The following TNKS variants were observed in gnomAD, a reference collection of about 807,000 sequenced individuals.
The protein encoded by TNKS is tankyrase, also known as poly [ADP-ribose] polymerase tankyrase-1.
A neutral mutation model predicts 135.8 loss-of-function variants in TNKS; 72 were observed. That is an observed-to-expected ratio of 0.53 (90% CI 0.44 to 0.64). The LOEUF is 0.64. Ranked by LOEUF, TNKS falls within the 30% of genes least tolerant of loss-of-function variation. The probability of loss-of-function intolerance (pLI) is 0.00; values close to 1 mark genes in which losing one functional copy is unlikely to be tolerated. For synonymous variants in TNKS, 849 were observed against 649.3 expected (o/e 1.31, Z -4.68); for missense variants, 1,769 against 1,674.0 (o/e 1.06, Z -0.99).
At chr8:9,608,833 C>T (rs189884632) in intron 2 of TNKS, among the ~76,000 whole-genome samples, 1 of 152,254 alleles carries the variant, frequency 6.6e-6, no homozygotes, top group East Asian at 1.9e-4. Flanking sequence ...TTATGGTACC[C>T]ATCTTGTGAG....
At chr8:9,771,420 A>C in intron 26 of TNKS, among the ~76,000 whole-genome samples, 1 of 92,606 alleles carries the variant, frequency 1.1e-5, no homozygotes, top group East Asian at 3.8e-4. Flanking sequence ...GACAGATACT[A>C]AGGAAGGGAG....
At chr8:9,696,624 A>G (rs1181420558) in intron 5 of TNKS, among the ~76,000 whole-genome samples, 2 of 152,182 alleles carry the variant, frequency 1.3e-5, no homozygotes, top group African/African-American at 4.8e-5. Flanking sequence ...AAATCCATGT[A>G]CAAAAATCAG....
Position 9,698,297 on chromosome 8 carries a change from C to G in TNKS, c.1108-6366C>G, listed in dbSNP as rs575059717. Among the ~76,000 whole-genome samples the G allele has an allele frequency of 1.6e-4, 23 of 148,044 alleles. No individual in the cohort carries two copies. The East Asian group carries it at 4.6e-3, about 30-fold the overall frequency. On this transcript the variant is annotated intron_variant, in intron 5 of 26. Coordinates refer to ENST00000310430, the MANE Select transcript of TNKS (RefSeq NM_003747.3). Reference sequence around the variant, plus strand: ...AACAAACTACCTATTGGGTACCATGCTCACTACTTGACTGCAGTATACCCA... The same window carrying G: ...AACAAACTACCTATTGGGTACCATGGTCACTACTTGACTGCAGTATACCCA...
chr8:9,613,710 C>T (rs115000125), intron 2 of TNKS, among the ~76,000 whole-genome samples: 156 of 152,194 alleles, frequency 1.0e-3, no homozygotes, highest in African/African-American at 3.5e-3. Context: ...TTAATGTCAC[C>T]TAAAGTACAA....
chr8:9,752,520 A>C (rs374315185), intron 19 of TNKS, 24 bp from the exon 20 acceptor site: 16 of 1,561,308 alleles, frequency 1.0e-5, no homozygotes, highest in Non-Finnish European at 1.4e-5. Context: ...CTTTCTGAGA[A>C]TCTTTAATAT....
At chr8:9,683,499 A>G (rs150281435) in intron 5 of TNKS, among the ~76,000 whole-genome samples, 4 of 152,102 alleles carry the variant, frequency 2.6e-5, no homozygotes, top group Non-Finnish European at 5.9e-5. Flanking sequence ...AAGTTTCCTA[A>G]ATTACTGTAT....
intron 2 of TNKS, among the ~76,000 whole-genome samples, chr8:9,587,324 G>A (rs1285853467): frequency 6.6e-6 from 1 of 151,790 alleles, no homozygotes; most frequent in Non-Finnish European, 1.5e-5. Context: ...GTAGCCCCAA[G>A]AAGATGGAAA....
intron 2 of TNKS, among the ~76,000 whole-genome samples, chr8:9,594,724 T>G (rs1177487959): frequency 6.6e-6 from 1 of 152,230 alleles, no homozygotes; most frequent in Admixed American, 6.5e-5. Flanking sequence ...TCACCTGTTG[T>G]AGGCCATTTA....
chr8:9,719,689 C>T (rs1804779885), intron 11 of TNKS, among the ~76,000 whole-genome samples: 1 of 152,068 alleles, frequency 6.6e-6, no homozygotes, highest in African/African-American at 2.4e-5. Flanking sequence ...GTAGAGGGTG[C>T]TGATTGGGAT....
chr8:9,657,920 C>CA (rs1801489619), intron 3 of TNKS, among the ~76,000 whole-genome samples: 1 of 98,228 alleles, frequency 1.0e-5, no homozygotes, highest in Non-Finnish European at 2.2e-5. Context: ...CCTCACTTCT[C>CA]AGACGGGGCG....
In TNKS at chr8:9,610,405, A is replaced by G. The variant is rs564366139; in HGVS notation, c.899-5177A>G. 9.2e-5 allele frequency among the ~76,000 whole-genome samples: 14 copies of G among 151,738 alleles called. No individual in the cohort carries two copies. In the East Asian group the frequency reaches 2.7e-3, roughly 29 times the overall value. On this transcript the variant is annotated intron_variant, in intron 2 of 26. Transcript: ENST00000310430. ...GGCATAGTTTATGCCATTATATAAT[A>G]TTATACCATTTTAATATACATGTTT...
intron 17 of TNKS, among the ~76,000 whole-genome samples, chr8:9,744,155 G>GTTGA (rs1339370550): frequency 1.3e-5 from 2 of 152,096 alleles, no homozygotes; most frequent in Non-Finnish European, 2.9e-5. Flanking sequence ...TTGCATGAGA[G>GTTGA]TTGATATTAG....
At chr8:9,761,672 T>C (rs1807155994) in intron 21 of TNKS, 36 bp downstream of exon 21, 4 of 1,575,900 alleles carry the variant, frequency 2.5e-6, no homozygotes, top group African/African-American at 2.8e-5. Flanking sequence ...ATTTCAGAAA[T>C]CAGTGGTACA....
At chr8:9,605,164 C>A (rs543985442) in intron 2 of TNKS, among the ~76,000 whole-genome samples, 20 of 152,116 alleles carry the variant, frequency 1.3e-4, no homozygotes, top group African/African-American at 4.8e-4. Context: ...GTCTGGTGCC[C>A]ATCTGCAGTC....
chr8:9,615,113 G>A (rs896821192), intron 2 of TNKS, among the ~76,000 whole-genome samples: 4 of 152,116 alleles, frequency 2.6e-5, no homozygotes, highest in Non-Finnish European at 5.9e-5. Context: ...AGTTTCATGT[G>A]CAAGTGGTGA....
At chr8:9,757,403 C>G (rs1806896284) in intron 20 of TNKS, among the ~76,000 whole-genome samples, 1 of 152,202 alleles carries the variant, frequency 6.6e-6, no homozygotes, top group East Asian at 1.9e-4. Flanking sequence ...TTTTGAACTA[C>G]AGTACTTAAG....
chr8:9,588,432 G>A (rs1019159536), intron 2 of TNKS, among the ~76,000 whole-genome samples: 3 of 151,996 alleles, frequency 2.0e-5, no homozygotes, highest in Admixed American at 2.0e-4. Context: ...CCGCCACCAC[G>A]CCCAGCTAAT....
At chr8:9,559,191 A>G (rs1048236554) in intron 1 of TNKS, among the ~76,000 whole-genome samples, 2 of 152,180 alleles carry the variant, frequency 1.3e-5, no homozygotes, top group African/African-American at 2.4e-5. Context: ...AAAAACCTAT[A>G]AAGTATCTAG....
chr8:9,583,955 G>C (rs931724585), intron 2 of TNKS, among the ~76,000 whole-genome samples: 1 of 151,680 alleles, frequency 6.6e-6, no homozygotes, highest in Non-Finnish European at 1.5e-5. Flanking sequence ...ACGAGGTCAG[G>C]AGATTGAGAC....
Sources: gnomAD v4.1 joint callset for allele counts (sites outside exome capture counted in the v4.1 genomes callset) on GRCh38, gnomAD v4.1.1 for gene constraint, MANE v1.5 for transcripts, NCBI Gene and HGNC (gene_info 2026-07-23, HGNC 2026-07-21) for gene names.